Variants in RGS6 observed in about 807,000 individuals in gnomAD.
RGS6 encodes the protein regulator of G protein signaling 6, also known as regulator of G-protein signaling 6.
Under a neutral mutation model 78.5 loss-of-function variants are expected in RGS6, and 30 were observed. The ratio of observed to expected loss-of-function variants is 0.38; its 90% CI spans 0.29 to 0.52. The LOEUF (loss-of-function observed/expected upper bound fraction) is 0.52. RGS6 is among the 20% of genes least tolerant of loss of function. The pLI, the probability that RGS6 is intolerant of heterozygous loss-of-function variation, is 0.85. For missense variants in RGS6, 495 were observed against 609.7 expected (o/e 0.81, Z 1.98); for synonymous variants, 206 against 206.0 (o/e 1.00, Z 0.00).
intron 3 of RGS6, among the ~76,000 whole-genome samples, chr14:72,370,833 T>C (rs2083381323): frequency 6.6e-6 from 1 of 152,262 alleles, no homozygotes; most frequent in Admixed American, 6.5e-5. Context: ...AAAAATAGCT[T>C]TCCTTTTCCT....
intron 17 of RGS6, chr14:72,552,832 G>A (rs535109574): frequency 1.3e-5 from 2 of 152,214 alleles, no homozygotes; most frequent in East Asian, 3.9e-4. Context: ...TTTCCAATGA[G>A]GTCAATAAAT....
At chr14:72,428,790 T>C (rs1009267780) in intron 3 of RGS6, among the ~76,000 whole-genome samples, 2 of 152,288 alleles carry the variant, frequency 1.3e-5, no homozygotes, top group East Asian at 3.9e-4. Flanking sequence ...GTGATGCTGT[T>C]GGTAAAAAGG....
intron 3 of RGS6, among the ~76,000 whole-genome samples, chr14:72,445,562 A>G (rs1158410621): frequency 6.6e-6 from 1 of 151,848 alleles, no homozygotes; most frequent in Non-Finnish European, 1.5e-5. Flanking sequence ...AACTGCCTAT[A>G]TGATGTCTGG....
rs372758320 is a variant in RGS6, at chr14:71,978,767, G to A, written c.84+13892G>A. Among the ~76,000 whole-genome samples, 8 of 152,282 alleles carry A rather than the reference G, an allele frequency of 5.3e-5. No individual in the cohort carries two copies. The South Asian group carries it at 1.2e-3, about 24-fold the overall frequency. On this transcript the variant is annotated intron_variant, in intron 2 of 17. Coordinates refer to ENST00000553525, the MANE Select transcript of RGS6 (RefSeq NM_001204424.2). Reference sequence around the variant, plus strand: ...TGCCAGGCTTTGGTATCAGGGTGACGCTGGCCTCATAAAATGAGTTAGGGA... The same window carrying A: ...TGCCAGGCTTTGGTATCAGGGTGACACTGGCCTCATAAAATGAGTTAGGGA...
intron 3 of RGS6, among the ~76,000 whole-genome samples, chr14:72,441,971 C>T (rs909740182): frequency 1.3e-5 from 2 of 152,184 alleles, no homozygotes; most frequent in African/African-American, 4.8e-5. Flanking sequence ...GCACTCATAG[C>T]GATGCTGGAA....
chr14:72,550,185 C>G (rs761090329), intron 17 of RGS6, among the ~76,000 whole-genome samples: 1 of 152,148 alleles, frequency 6.6e-6, no homozygotes, highest in African/African-American at 2.4e-5. Context: ...ATGGCGATCC[C>G]GGTAAAGTCA....
chr14:72,158,123 A>G (rs1477170999), intron 2 of RGS6, among the ~76,000 whole-genome samples: 1 of 152,150 alleles, frequency 6.6e-6, no homozygotes, highest in African/African-American at 2.4e-5. Context: ...GGCTTCAACA[A>G]CAGAAATATA....
At chr14:72,307,530 T>A (rs1457082510) in intron 2 of RGS6, among the ~76,000 whole-genome samples, 1 of 152,220 alleles carries the variant, frequency 6.6e-6, no homozygotes, top group African/African-American at 2.4e-5. Context: ...ATAATTCTTT[T>A]TTCCATTAAC....
At chr14:72,049,341 T>C (rs2093074694) in intron 2 of RGS6, among the ~76,000 whole-genome samples, 1 of 152,208 alleles carries the variant, frequency 6.6e-6, no homozygotes, top group South Asian at 2.1e-4. Context: ...GGTTATGGGA[T>C]TGGCCCCTGG....
chr14:72,025,654 G>A (rs1224763940), intron 2 of RGS6, among the ~76,000 whole-genome samples: 10 of 152,060 alleles, frequency 6.6e-5, no homozygotes, highest in Non-Finnish European at 1.0e-4. Context: ...ATATCTTTGA[G>A]CCCTTCAGAA....
intron 2 of RGS6, among the ~76,000 whole-genome samples, chr14:72,234,681 G>A (rs776571686): frequency 3.3e-5 from 5 of 152,000 alleles, no homozygotes; most frequent in African/African-American, 4.8e-5. Context: ...AGTCCCAGCC[G>A]CTCTCAGTCT....
chr14:71,892,669 A>G, the RGS6 span, among the ~76,000 whole-genome samples: 2 of 152,264 alleles, frequency 1.3e-5, no homozygotes, highest in Non-Finnish European at 2.9e-5. Context: ...TATCCTGAGC[A>G]AAAAGAAATG....
At chr14:72,242,919 G>T (rs1834995788) in intron 2 of RGS6, among the ~76,000 whole-genome samples, 2 of 129,144 alleles carry the variant, frequency 1.5e-5, no homozygotes, top group South Asian at 2.6e-4. Flanking sequence ...TGCAATCTCG[G>T]CTCACTGTAA....
intron 2 of RGS6, among the ~76,000 whole-genome samples, chr14:72,329,531 A>G (rs898883924): frequency 1.3e-5 from 2 of 152,248 alleles, no homozygotes; most frequent in African/African-American, 4.8e-5. Flanking sequence ...GTAGGCTTAA[A>G]CTGGCATTGT....
At chr14:72,499,852 C>T (rs764210213) in intron 13 of RGS6, among the ~76,000 whole-genome samples, 6 of 152,072 alleles carry the variant, frequency 3.9e-5, no homozygotes, top group Non-Finnish European at 5.9e-5. Context: ...CCACCTCATC[C>T]CTCCAGCTGT....
intron 2 of RGS6, among the ~76,000 whole-genome samples, chr14:72,345,814 T>C (rs955726286): frequency 6.6e-6 from 1 of 152,212 alleles, no homozygotes; most frequent in Non-Finnish European, 1.5e-5. Context: ...CACAAATACA[T>C]GCAAAAGTTG....
downstream of RGS6, among the ~76,000 whole-genome samples, chr14:72,566,972 A>G (rs573751213): frequency 6.6e-6 from 1 of 152,302 alleles, no homozygotes; most frequent in South Asian, 2.1e-4. Flanking sequence ...AGCGACAGAC[A>G]GTTGCACTTC....
intron 2 of RGS6, among the ~76,000 whole-genome samples, chr14:72,281,144 CTTTTTT>C (rs11381940): frequency 8.9e-6 from 1 of 112,864 alleles, no homozygotes; most frequent in East Asian, 2.6e-4. Context: ...AAACAAGATT[CTTTTTT>C]TTTTTTTTTT....
intron 2 of RGS6, among the ~76,000 whole-genome samples, chr14:72,206,794 T>C (rs906565501): frequency 6.6e-6 from 1 of 152,142 alleles, no homozygotes; most frequent in African/African-American, 2.4e-5. Flanking sequence ...ACTTGGGAAT[T>C]GTAGGAGTTA....
Sources: gnomAD v4.1 joint callset for allele counts (sites outside exome capture counted in the v4.1 genomes callset) on GRCh38, gnomAD v4.1.1 for gene constraint, MANE v1.5 for transcripts, NCBI Gene and HGNC (gene_info 2026-07-23, HGNC 2026-07-21) for gene names.